The following JMJD1C variants were observed in gnomAD, a reference collection of about 807,000 sequenced individuals.
JMJD1C encodes jumonji domain containing 1C.
A neutral mutation model predicts 245.3 loss-of-function variants in JMJD1C; 31 were observed. That is an observed-to-expected ratio of 0.13 (90% confidence interval 0.09 to 0.17). The LOEUF is 0.17. Ranked by LOEUF, JMJD1C falls within the 10% of genes least tolerant of loss-of-function variation. JMJD1C has a pLI of 1.00. For missense variants in JMJD1C, 2,691 were observed against 3,000.2 expected (o/e 0.90, Z 2.41); for synonymous variants, 1,057 against 1,017.4 (o/e 1.04, Z -0.74).
chr10:63,426,918 TATC>T (rs1950474665), intron 1 of JMJD1C, among the ~76,000 whole-genome samples: 1 of 152,234 alleles, frequency 6.6e-6, no homozygotes, highest in Non-Finnish European at 1.5e-5. Context: ...AAATACACTT[TATC>T]ATCAAGTATA....
chr10:63,385,261 A>C (rs997244594), intron 1 of JMJD1C, among the ~76,000 whole-genome samples: 3 of 151,946 alleles, frequency 2.0e-5, no homozygotes, highest in Admixed American at 6.6e-5. Context: ...ACCATAAGAG[A>C]TGTAATAGTA....
chr10:63,214,879 T>C lies in JMJD1C; in HGVS notation c.1288A>G (p.Ser430Gly). ...EKAGEETLKNSQPPWDQIQED... is the reference protein window; with the variant it reads ...EKAGEETLKNGQPPWDQIQED... ...TGTATTTGATCCCAGGGAGGCTGGC[T>C]ATTTTTTAGGGTCTCTTCTCCTGCC... is the stretch of plus-strand genomic sequence containing the variant. The change falls in exon 8 of 26, where the codon AGC becomes GGC. Residue 430 changes from serine to glycine, a missense_variant. Physicochemically the swap from Ser to Gly is moderately conservative, Grantham distance 56. This residue lies in a region of JMJD1C where 1,562 missense variants were observed against 1,490.7 expected (regional missense o/e 1.05). Coordinates refer to ENST00000399262, the MANE Select transcript of JMJD1C (RefSeq NM_032776.3). 1 of 1,613,946 alleles carries C rather than the reference T, an allele frequency of 6.2e-7. No individual in the cohort carries two copies. Among genetic ancestry groups the C allele is most frequent in the African/African-American group, 1.3e-5 (1 of 75,042 alleles).
At chr10:63,204,515 C>T (rs1387867708) in intron 10 of JMJD1C, 2 of 985,206 alleles carry the variant, frequency 2.0e-6, no homozygotes, top group Non-Finnish European at 2.4e-6. Flanking sequence ...TTAAGTTTTA[C>T]TCAAGTATCT....
intron 23 of JMJD1C, chr10:63,176,798 ATT>A (rs10577726): frequency 0.15 from 19,749 of 135,398 alleles, 1,876 homozygotes; most frequent in East Asian, 0.35. Flanking sequence ...GGAACAGGGT[ATT>A]TTTTTTTTTT....
chr10:63,289,662 A>G (rs1197454374), intron 2 of JMJD1C, among the ~76,000 whole-genome samples: 1 of 152,228 alleles, frequency 6.6e-6, no homozygotes, highest in East Asian at 1.9e-4. Context: ...AAAATTTACA[A>G]ATACCTTAAT....
At chr10:63,224,888 C>A (rs147606659) in intron 3 of JMJD1C, among the ~76,000 whole-genome samples, 2,310 of 151,904 alleles carry the variant, frequency 0.015, 24 homozygotes, top group Middle Eastern at 0.071. Context: ...ATGGTGAAAC[C>A]CCATCTCTAC....
chr10:63,288,914 AATAATAATAATAATG>A (rs1339666731), intron 2 of JMJD1C, among the ~76,000 whole-genome samples: 312 of 143,058 alleles, frequency 2.2e-3, no homozygotes, highest in African/African-American at 4.7e-3. Flanking sequence ...TAATAATAAT[AATAATAATAATAATG>A]ATAATAATCT....
chr10:63,220,014 G>A (rs1481600876), intron 3 of JMJD1C, 31 bp from the exon 4 acceptor site: 3 of 1,493,928 alleles, frequency 2.0e-6, no homozygotes, highest in Non-Finnish European at 1.9e-6. Context: ...AAAGGTCCAT[G>A]TTACGCTCTC....
intron 2 of JMJD1C, among the ~76,000 whole-genome samples, chr10:63,308,925 A>T (rs986110643): frequency 6.6e-6 from 1 of 152,158 alleles, no homozygotes; most frequent in Non-Finnish European, 1.5e-5. Context: ...AATCTTGGGG[A>T]AAAAGAGAAG....
At chr10:63,380,172 G>T in intron 2 of JMJD1C, 146 bp downstream of exon 2, 1 of 697,248 alleles carries the variant, frequency 1.4e-6, no homozygotes. Flanking sequence ...TCCAACTCCT[G>T]GCTTCAAGCA....
intron 2 of JMJD1C, among the ~76,000 whole-genome samples, chr10:63,347,419 T>C (rs1589543546): frequency 6.7e-6 from 1 of 149,090 alleles, no homozygotes; most frequent in East Asian, 2.0e-4. Flanking sequence ...CCGACTCTAA[T>C]AAAAAGACAA....
At chr10:63,445,451 T>C (rs1034884424) in intron 1 of JMJD1C, among the ~76,000 whole-genome samples, 3 of 151,806 alleles carry the variant, frequency 2.0e-5, no homozygotes, top group African/African-American at 7.3e-5. Context: ...GAGAAACAAG[T>C]GCAAAGGCCA....
intron 2 of JMJD1C, among the ~76,000 whole-genome samples, chr10:63,314,015 G>GT (rs1474870338): frequency 2.0e-5 from 3 of 152,132 alleles, no homozygotes; most frequent in Admixed American, 6.5e-5. Flanking sequence ...ATCTAGAAGG[G>GT]TTTTTCCAAT....
rs112438618 is a variant in JMJD1C at position 63,458,718 on chromosome 10, T to TTTTA, written c.168+6776_168+6777insTAAA. On this transcript the variant is annotated intron_variant, in intron 1 of 25. Transcript: ENST00000399262. ...TTTTATAAAGTTAAATATAGCTTTT[T>TTTTA]TTTTATTTATTTATTTTTTTTTTGA... Among the ~76,000 whole-genome samples, 664 of 122,872 alleles carry TTTTA rather than the reference T, an allele frequency of 5.4e-3. 1 individual carries two copies. Among genetic ancestry groups the TTTTA allele is most frequent in the Middle Eastern group, 0.013 (3 of 230 alleles). 80.6% of individuals were successfully genotyped at this position (122,872 alleles called of 152,430 possible).
intron 1 of JMJD1C, among the ~76,000 whole-genome samples, chr10:63,477,131 CTAA>C (rs1953687685): frequency 6.6e-6 from 1 of 152,046 alleles, no homozygotes; most frequent in Admixed American, 6.6e-5. Context: ...TAATAATATT[CTAA>C]TAAGACTCAA....
intron 1 of JMJD1C, among the ~76,000 whole-genome samples, chr10:63,448,658 G>A (rs980218079): frequency 1.3e-5 from 2 of 152,150 alleles, no homozygotes; most frequent in Admixed American, 1.3e-4. Context: ...GTGTTCTAGA[G>A]AAATAGAAAT....
chr10:63,172,024 A>G (rs1842418451), intron 24 of JMJD1C, among the ~76,000 whole-genome samples: 1 of 152,226 alleles, frequency 6.6e-6, no homozygotes, highest in Non-Finnish European at 1.5e-5. Context: ...TGTTGTTGTC[A>G]TTACACCCCA....
At chr10:63,418,846 G>C (rs1405065901) in intron 1 of JMJD1C, among the ~76,000 whole-genome samples, 2 of 152,104 alleles carry the variant, frequency 1.3e-5, no homozygotes, top group Non-Finnish European at 2.9e-5. Flanking sequence ...TTGGGAGGCC[G>C]AGGCAGGGGA....
intron 3 of JMJD1C, among the ~76,000 whole-genome samples, chr10:63,264,428 A>G (rs1855269216): frequency 1.3e-5 from 2 of 152,172 alleles, no homozygotes; most frequent in South Asian, 4.1e-4. Context: ...ATTCCTTGCA[A>G]CAGAACACTG....
Sources: gnomAD v4.1 joint callset for allele counts (sites outside exome capture counted in the v4.1 genomes callset) on GRCh38, gnomAD v4.1.1 for gene constraint, gnomAD v4.1.1 regional missense constraint, MANE v1.5 for transcripts, NCBI Gene and HGNC (gene_info 2026-07-23, HGNC 2026-07-21) for gene names.